The following UGT1A8 variants were observed in gnomAD, a reference collection of about 807,000 sequenced individuals.
UGT1A8 encodes the protein UDP-glucuronosyltransferase 1A8.
A neutral mutation model predicts 45.3 loss-of-function variants in UGT1A8; 39 were observed. The observed-to-expected ratio is 0.86, with a 90% CI of 0.67 to 1.12. UGT1A8 has a LOEUF of 1.12. UGT1A8 is among the 50% of genes most tolerant of loss of function. The probability of loss-of-function intolerance (pLI) is 0.00; values close to 1 mark genes in which losing one functional copy is unlikely to be tolerated. For synonymous variants in UGT1A8, 275 were observed against 249.2 expected, an observed-to-expected ratio of 1.10 and a Z score of -0.97; for missense variants, 719 against 664.9, an observed-to-expected ratio of 1.08 and a Z score of -0.90.
chr2:233,650,080 C>A (rs745362868), intron 1 of UGT1A8, among the ~76,000 whole-genome samples: 1 of 152,146 alleles, frequency 6.6e-6, no homozygotes, highest in Non-Finnish European at 1.5e-5. Flanking sequence ...AAGCGATTCA[C>A]CTGCCTCAGC....
intron 1 of UGT1A8, among the ~76,000 whole-genome samples, chr2:233,636,287 C>T (rs1471090921): frequency 6.4e-5 from 9 of 140,598 alleles, no homozygotes; most frequent in East Asian, 2.0e-4. Context: ...CCCTCCAAGG[C>T]GAAGACCATA....
intron 1 of UGT1A8, chr2:233,690,440 C>T: frequency 7.8e-7 from 1 of 1,280,204 alleles, no homozygotes; most frequent in Non-Finnish European, 1.0e-6. Flanking sequence ...TTGGGTCTCT[C>T]CTCTATTCAA....
chr2:233,678,545 A>T (rs112842934), intron 1 of UGT1A8, among the ~76,000 whole-genome samples: 90 of 152,324 alleles, frequency 5.9e-4, no homozygotes, highest in African/African-American at 2.1e-3. Context: ...ATGTATTTAA[A>T]AATGCTTTTA....
intron 1 of UGT1A8, among the ~76,000 whole-genome samples, chr2:233,644,313 A>G (rs1313198700): frequency 1.3e-5 from 2 of 152,198 alleles, no homozygotes; most frequent in African/African-American, 4.8e-5. Context: ...CATGCCTGTA[A>G]TCCCAGCACT....
In UGT1A8 at chr2:233,755,120, A is replaced by G. The variant is rs768427236; in HGVS notation, c.856-11914A>G. 115 of 1,328,248 alleles carry G rather than the reference A, an allele frequency of 8.7e-5. 2 individuals are homozygous for G. Among genetic ancestry groups the G allele is most frequent in the Admixed American group, 1.9e-4 (10 of 52,520 alleles). 82.3% of individuals were successfully genotyped at this position (1,328,248 alleles called of 1,614,324 possible). On this transcript the variant is annotated intron_variant, in intron 1 of 4. Transcript: ENST00000373450. ...CGTCCGACAACACCTCGTAGGCCTC[A>G]GCCACCTGCTTGAATCTTCTCACCG...
At chr2:233,700,814 T>C (rs909154116) in intron 1 of UGT1A8, among the ~76,000 whole-genome samples, 1 of 152,156 alleles carries the variant, frequency 6.6e-6, no homozygotes, top group African/African-American at 2.4e-5. Flanking sequence ...GTTGGTGTGC[T>C]GCACCCATTA....
At chr2:233,719,572 A>G in intron 1 of UGT1A8, 1 of 1,613,858 alleles carries the variant, frequency 6.2e-7, no homozygotes. Flanking sequence ...CTTGTCAGCT[A>G]TGCATCCGTG....
rs1364557158 is a variant in UGT1A8, at chr2:233,695,130, C to CTTTCTTTTTTTTTT, written c.856-71901_856-71900insCTTTTTTTTTTTTT. Among the ~76,000 whole-genome samples the CTTTCTTTTTTTTTT allele has an allele frequency of 1.2e-4, 17 of 138,832 alleles. 1 individual carries two copies. Among genetic ancestry groups the CTTTCTTTTTTTTTT allele is most frequent in the African/African-American group, 3.3e-4 (12 of 36,788 alleles). 91.1% of individuals were successfully genotyped at this position (138,832 alleles called of 152,430 possible). On this transcript the variant is annotated intron_variant, in intron 1 of 4. Transcript: ENST00000373450. ...GCCCATTAACCAACCCTTTTCTTTT[C>CTTTCTTTTTTTTTT]TTTTTTTTTTTTTTGAGACAGAGTC...
intron 1 of UGT1A8, chr2:233,672,433 G>A: frequency 6.2e-7 from 1 of 1,613,864 alleles, no homozygotes; most frequent in Non-Finnish European, 8.5e-7. Flanking sequence ...CCCCTCCGTG[G>A]TCTTCGCCAG....
chr2:233,762,062 A>G (rs1056836551), intron 1 of UGT1A8, among the ~76,000 whole-genome samples: 8 of 152,148 alleles, frequency 5.3e-5, no homozygotes, highest in Non-Finnish European at 8.8e-5. Flanking sequence ...TTCATAGCAC[A>G]TCAAATATGG....
chr2:233,763,501 T>C (rs1395198282), intron 1 of UGT1A8, among the ~76,000 whole-genome samples: 3 of 152,238 alleles, frequency 2.0e-5, no homozygotes, highest in Non-Finnish European at 4.4e-5. Context: ...CAGTTTACTT[T>C]ATGTTTAGTT....
chr2:233,705,112 G>T (rs1194885288), intron 1 of UGT1A8, among the ~76,000 whole-genome samples: 1 of 149,892 alleles, frequency 6.7e-6, no homozygotes, highest in Admixed American at 6.7e-5. Context: ...CGCCAGCCTG[G>T]GGGACAAGAG....
At chr2:233,626,216 C>G (rs1031794647) in intron 1 of UGT1A8, among the ~76,000 whole-genome samples, 3 of 152,106 alleles carry the variant, frequency 2.0e-5, no homozygotes, top group Non-Finnish European at 4.4e-5. Flanking sequence ...GCTTTAGTTT[C>G]AGTGCCCATA....
At position 233,682,573 on chromosome 2, in the gene UGT1A8, G is replaced by T. The variant is rs779317114; in HGVS notation, c.855+64011G>T. On this transcript the variant is annotated intron_variant, in intron 1 of 4. Transcript: ENST00000373450. ...AGGAGAGAGTATGGAACCACATCATGCACTTGGAGGAACATTTATTTTGCC... is the reference window on the plus strand; with the variant it reads ...AGGAGAGAGTATGGAACCACATCATTCACTTGGAGGAACATTTATTTTGCC... The T allele has an allele frequency of 6.2e-7, 1 of 1,613,788 alleles. No individual in the cohort carries two copies. Among genetic ancestry groups the T allele is most frequent in the South Asian group, 1.1e-5 (1 of 91,066 alleles).
rs555788427 is a variant in UGT1A8, at chr2:233,659,851, T to C, written c.855+41289T>C. On this transcript the variant is annotated intron_variant, in intron 1 of 4. Coordinates refer to ENST00000373450, the MANE Select transcript of UGT1A8 (RefSeq NM_019076.5). Reference sequence around the variant, plus strand: ...CAATAATCGGAATCCTTCTGCGAGATTGTCTAATGTCAATTTATTTTCTGA... The same window carrying C: ...CAATAATCGGAATCCTTCTGCGAGACTGTCTAATGTCAATTTATTTTCTGA... Among the ~76,000 whole-genome samples, 7 of 152,314 alleles carry C rather than the reference T, an allele frequency of 4.6e-5. No homozygotes were observed. The East Asian group carries it at 1.3e-3, about 29-fold the overall frequency.
chr2:233,637,331 T>A (rs1431235247), intron 1 of UGT1A8: 2 of 1,613,854 alleles, frequency 1.2e-6, no homozygotes, highest in Middle Eastern at 1.6e-4. Flanking sequence ...CCCAACATGA[T>A]CTTCATTGGT....
chr2:233,671,787 T>C lies in UGT1A8; in HGVS notation c.855+53225T>C. 2.1e-6 allele frequency: 3 copies of C among 1,406,748 alleles called. No individual in the cohort carries two copies. In the South Asian group the frequency reaches 5.2e-5, roughly 24 times the overall value. The allele number at this position is 1,406,748 out of a possible 1,614,324, so 87.1% of individuals were successfully genotyped here. A position where few individuals can be genotyped will look rare whatever the true frequency, so the allele number is the denominator to read the frequency against. On this transcript the variant is annotated intron_variant, in intron 1 of 4. Transcript: ENST00000373450. ...ACTCATATATTCTTGTTCTTTTGGGTAAATCATTGTCAGTGACTGATTTTT... is the reference window on the plus strand; with the variant it reads ...ACTCATATATTCTTGTTCTTTTGGGCAAATCATTGTCAGTGACTGATTTTT...
chr2:233,729,879 T>C (rs2125748829), intron 1 of UGT1A8: 1 of 1,613,906 alleles, frequency 6.2e-7, no homozygotes, highest in Non-Finnish European at 8.5e-7. Context: ...TTCTCAGTCA[T>C]GCATCTGTGT....
chr2:233,707,423 C>T (rs1388358348), intron 1 of UGT1A8, among the ~76,000 whole-genome samples: 1 of 151,946 alleles, frequency 6.6e-6, no homozygotes, highest in Non-Finnish European at 1.5e-5. Context: ...TCGACTATTT[C>T]TTTGCTTTTC....
Sources: gnomAD v4.1 joint callset for allele counts (sites outside exome capture counted in the v4.1 genomes callset) on GRCh38, gnomAD v4.1.1 for gene constraint, MANE v1.5 for transcripts, NCBI Gene and HGNC (gene_info 2026-07-23, HGNC 2026-07-21) for gene names.